MYH7: variants seen among roughly 807,000 people sequenced by gnomAD.
The protein encoded by MYH7 is myosin-7.
MYH7 carries 129 observed loss-of-function variants against 225.4 expected under a neutral mutation model. The observed-to-expected ratio is 0.57, with a 90% CI of 0.50 to 0.66. MYH7 has a LOEUF of 0.66. Ranked by LOEUF, MYH7 falls within the 30% of genes least tolerant of loss-of-function variation. The pLI is 0.00. For synonymous variants in MYH7, 971 were observed against 1,007.6 expected (o/e 0.96, Z 0.69); for missense variants, 1,649 against 2,517.0 (o/e 0.66, Z 7.38).
In MYH7 at chr14:23,413,846, G is replaced by C. The variant is rs45570635; in HGVS notation, c.5703C>G (p.His1901Gln). 1.2e-6 allele frequency: 2 copies of C among 1,614,246 alleles called. No individual in the cohort carries two copies. Among genetic ancestry groups the C allele is most frequent in the Non-Finnish European group, 1.7e-6 (2 of 1,180,054 alleles). The change falls in exon 39 of 40, where the codon CAC becomes CAG. Residue 1901 changes from histidine to glutamine, a missense_variant. Physicochemically the swap from His to Gln is conservative, Grantham distance 24. Around this residue, in one of 12 missense-constraint regions of MYH7, gnomAD observed 687 missense variants for 913.8 expected, o/e 0.75. Coordinates refer to ENST00000355349, the MANE Select transcript of MYH7 (RefSeq NM_000257.4). ...TNLSKFRKVQ[H>Q]ELDEAEERAD... ...CCCGCTCCTCTGCCTCATCCAGCTC[G>C]TGCTGCACCTTGCGGAACTTGGACA...
rs2138663527 is a variant in MYH7, at chr14:23,424,016, G to T, written c.2813C>A (p.Ala938Asp). ...DEEEMNAELT[A>D]KKRKLEDECS... ...CTCATCTTCCAGCTTGCGCTTCTTG[G>T]CAGTGAGCTCAGCATTCATCTCCTC... is the stretch of plus-strand genomic sequence containing the variant. The change falls in exon 23 of 40, where the codon GCC (alanine) becomes GAC (aspartate). Residue 938 changes from alanine to aspartate, a missense_variant. Transcript: ENST00000355349. The T allele has an allele frequency of 6.2e-7, 1 of 1,614,176 alleles. No individual in the cohort carries two copies. The highest frequency in any genetic ancestry group is 8.5e-7 in the Non-Finnish European group (1 of 1,180,040).
At chr14:23,432,326 A>G (rs1338639397) in intron 6 of MYH7, among the ~76,000 whole-genome samples, 153 bp downstream of exon 6, 1 of 151,886 alleles carries the variant, frequency 6.6e-6, no homozygotes, top group East Asian at 1.9e-4. Flanking sequence ...GAGCAAAGAG[A>G]GGGGTCAGGG....
In MYH7 at chr14:23,423,935, T is replaced by C. The variant is rs1473734002; in HGVS notation, c.2894A>G (p.Glu965Gly). 5.6e-6 allele frequency: 9 copies of C among 1,614,172 alleles called. No homozygotes were observed. Among genetic ancestry groups the C allele is most frequent in the Non-Finnish European group, 7.6e-6 (9 of 1,180,034 alleles). The change falls in exon 23 of 40, where the codon GAG becomes GGG. Residue 965 changes from glutamate to glycine, a missense_variant. Physicochemically the swap from Glu to Gly is moderately conservative, Grantham distance 98. Transcript: ENST00000355349. ...DDLELTLAKV[E>G]KEKHATENKV... Reference sequence around the variant, plus strand: ...GTTCTCTGTTGCGTGTTTCTCCTTCTCCACTTTGGCCAGTGTCAGCTCCAG... The same window carrying C: ...GTTCTCTGTTGCGTGTTTCTCCTTCCCCACTTTGGCCAGTGTCAGCTCCAG...
intron 25 of MYH7, among the ~76,000 whole-genome samples, 179 bp from the exon 26 acceptor site, chr14:23,421,227 A>T (rs371563256): frequency 6.6e-6 from 1 of 152,210 alleles, no homozygotes; most frequent in Non-Finnish European, 1.5e-5. Flanking sequence ...AAATCCAACA[A>T]GAATGTAATG....
Position 23,425,558 on chromosome 14 carries a change from A to G in MYH7, c.2286+137T>C. On this transcript the variant is annotated intron_variant, in intron 20 of 39. Transcript: ENST00000355349. The surrounding 1 kb of genome is among the most constrained non-coding windows in gnomAD (Gnocchi z 4.6). ...TGGCAGCTGGAGCTGGGATGAGGGG[A>G]GTGGTGCTAGATGTTCCACTGGGAG... is the stretch of plus-strand genomic sequence containing the variant. The G allele has an allele frequency of 1.3e-6, 2 of 1,574,400 alleles. No individual in the cohort carries two copies. Among genetic ancestry groups the G allele is most frequent in the East Asian group, 2.2e-5 (1 of 44,492 alleles).
chr14:23,432,449 G>T, intron 6 of MYH7, 30 bp downstream of exon 6: 1 of 1,613,908 alleles, frequency 6.2e-7, no homozygotes, highest in East Asian at 2.2e-5. Context: ...GGGAGATTCT[G>T]AAAGGGAATA....
Position 23,425,441 on chromosome 14 carries a change from C to T in MYH7, c.2287-23G>A. On this transcript the variant is annotated intron_variant, in intron 20 of 39. Transcript: ENST00000355349. This position sits in a 1 kb window ranked among gnomAD's most constrained non-coding sequence, Gnocchi z 4.6. ...CACCTGCAGGCAAGGTGTGTGTTGG[C>T]CATGACTAGGGAGGGGTACGAGGGA... is the stretch of plus-strand genomic sequence containing the variant. 1 of 1,613,990 alleles carries T rather than the reference C, an allele frequency of 6.2e-7. No homozygotes were observed. The highest frequency in any genetic ancestry group is 8.5e-7 in the Non-Finnish European group (1 of 1,180,026).
At chr14:23,422,137 T>C (rs376610076) in intron 25 of MYH7, 43 bp downstream of exon 25, 12 of 1,611,604 alleles carry the variant, frequency 7.4e-6, no homozygotes, top group Non-Finnish European at 1.0e-5. Flanking sequence ...TGTACTGTTA[T>C]GGGCTGGGGA....
At position 23,415,096 on chromosome 14, in the gene MYH7, G is replaced by A. The variant is rs145734640; in HGVS notation, c.5458C>T (p.Arg1820Trp). The A allele has an allele frequency of 1.1e-5, 17 of 1,613,762 alleles. No homozygotes were observed. Among genetic ancestry groups the A allele is most frequent in the African/African-American group, 6.7e-5 (5 of 74,932 alleles). Residue 1820 changes from arginine to tryptophan, a missense_variant, in exon 37 of 40, where the codon CGG becomes TGG. By Grantham distance (101) the Arg-to-Trp change is moderately radical. Around this residue, in one of 12 missense-constraint regions of MYH7, gnomAD observed 687 missense variants for 913.8 expected, o/e 0.75. Transcript: ENST00000355349. The surrounding 1 kb of genome is among the most constrained non-coding windows in gnomAD (Gnocchi z 6.3). ...GCCTCCAGCTCATTCTCCAGCTCCCGCACCCGCGCTTCCAGCTTCTGCAGC... is the reference window on the plus strand; with the variant it reads ...GCCTCCAGCTCATTCTCCAGCTCCCACACCCGCGCTTCCAGCTTCTGCAGC... Reference protein sequence around the residue: ...KQLQKLEARVRELENELEAEQ... With the variant: ...KQLQKLEARVWELENELEAEQ...
chr14:23,414,376 C>T (rs961424216), intron 37 of MYH7, among the ~76,000 whole-genome samples: 5 of 152,178 alleles, frequency 3.3e-5, no homozygotes, highest in South Asian at 2.1e-4. Flanking sequence ...TTTCAGGGTC[C>T]GGGGACCCCA....
At position 23,433,609 on chromosome 14, in the gene MYH7, C is replaced by T. The variant is rs780785242; in HGVS notation, c.124G>A (p.Asp42Asn). ...TTGGCCTTGACAAACTCCTGTTTGT[C>T]ATCAGGCACGAAGACATCCTTCTTG... ...DLKKDVFVPD[D>N]KQEFVKAKIV... is the part of the protein sequence containing the mutation. The change falls in exon 3 of 40, where the codon GAC becomes AAC. Residue 42 changes from aspartate (D) to asparagine (N), a missense_variant. Coordinates refer to ENST00000355349, the MANE Select transcript of MYH7 (RefSeq NM_000257.4). The surrounding 1 kb of genome is among the most constrained non-coding windows in gnomAD (Gnocchi z 4.1). The T allele has an allele frequency of 3.1e-6, 5 of 1,614,240 alleles. No homozygotes were observed. The highest frequency in any genetic ancestry group is 2.2e-5 in the East Asian group (1 of 44,878).
Position 23,434,255 on chromosome 14 carries a change from G to T in MYH7, c.-64-6C>A. 2.0e-6 allele frequency: 2 copies of T among 1,006,140 alleles called. No individual in the cohort carries two copies. The highest frequency in any genetic ancestry group is 2.4e-6 in the Non-Finnish European group (2 of 840,982). The allele number at this position is 1,006,140 out of a possible 1,614,324, so 62.3% of individuals were successfully genotyped here. ...GGCCAAGGCCTGCAGGGGACCTGGA[G>T]AGAGGGAAGAGGCTGTGTCAGGGCA... On this transcript the variant is annotated splice_region_variant and splice_polypyrimidine_tract_variant and intron_variant, in intron 1 of 39. Coordinates refer to ENST00000355349, the MANE Select transcript of MYH7 (RefSeq NM_000257.4).
chr14:23,434,544 G>C (rs1379939084), intron 1 of MYH7, among the ~76,000 whole-genome samples: 1 of 152,166 alleles, frequency 6.6e-6, no homozygotes, highest in Non-Finnish European at 1.5e-5. Context: ...CTTTCTTTGA[G>C]CCATCTGAGA....
intron 4 of MYH7, 41 bp from the exon 5 acceptor site, chr14:23,432,836 G>T: frequency 6.2e-7 from 1 of 1,612,922 alleles, no homozygotes; most frequent in African/African-American, 1.3e-5. Context: ...AGTTGCGAAG[G>T]GGGAGGGCTG....
chr14:23,423,820 A>C lies in MYH7; in HGVS notation c.2922+87T>G, dbSNP rs1566530423. On this transcript the variant is annotated intron_variant, in intron 23 of 39. Transcript: ENST00000355349. ...TGTCAAGGTCCATGCTGCTCTCTGG[A>C]TGCCGAGTGGCTAGCCTGGGTCAAG... The C allele has an allele frequency of 2.5e-6, 4 of 1,613,516 alleles. No homozygotes were observed. In the Admixed American group the frequency reaches 6.7e-5, roughly 27 times the overall value.
Position 23,415,078 on chromosome 14 carries a change from G to T in MYH7, c.5476C>A (p.Leu1826Met). ...EARVRELENELEAEQKRNAES... is the reference protein window; with the variant it reads ...EARVRELENEMEAEQKRNAES... The stretch of plus-strand genomic sequence containing the variant: ...GCGTTGCGCTTCTGCTCGGCCTCCA[G>T]CTCATTCTCCAGCTCCCGCACCCGC... Residue 1826 changes from leucine (L) to methionine (M), a missense_variant, in exon 37 of 40, where the codon CTG becomes ATG. Leu to Met is a conservative substitution (Grantham distance 15, BLOSUM62 2). This residue lies in a region of MYH7 where 687 missense variants were observed against 913.8 expected (regional missense o/e 0.75). Coordinates refer to ENST00000355349, the MANE Select transcript of MYH7 (RefSeq NM_000257.4). The surrounding 1 kb of genome is among the most constrained non-coding windows in gnomAD (Gnocchi z 6.3). 1.2e-6 allele frequency: 2 copies of T among 1,613,688 alleles called. No individual in the cohort carries two copies. Among genetic ancestry groups the T allele is most frequent in the Non-Finnish European group, 8.5e-7 (1 of 1,180,034 alleles).
chr14:23,413,705 G>T (rs1416570508), intron 39 of MYH7, 54 bp downstream of exon 39: 1 of 1,611,536 alleles, frequency 6.2e-7, no homozygotes, highest in Non-Finnish European at 8.5e-7. Flanking sequence ...AGGGTGCTCT[G>T]TCTGGGTATG....
At chr14:23,429,956 A>G in intron 11 of MYH7, 43 bp from the exon 12 acceptor site, 1 of 1,611,136 alleles carries the variant, frequency 6.2e-7, no homozygotes, top group Non-Finnish European at 8.5e-7. Context: ...AAAAAGAAGT[A>G]TGATGGGTAA....
At chr14:23,421,161 A>G (rs1213382642) in intron 25 of MYH7, 113 bp from the exon 26 acceptor site, 1 of 797,726 alleles carries the variant, frequency 1.3e-6, no homozygotes, top group Non-Finnish European at 2.2e-6. Context: ...CATTAGAAAA[A>G]CAGCTTCTGG....
Sources: gnomAD v4.1 joint callset for allele counts (sites outside exome capture counted in the v4.1 genomes callset) on GRCh38, gnomAD v4.1.1 for gene constraint, gnomAD v4.1.1 regional missense constraint, Gnocchi (gnomAD v3.1) non-coding constraint, MANE v1.5 for transcripts, NCBI Gene and HGNC (gene_info 2026-07-23, HGNC 2026-07-21) for gene names.